GPR83: variants seen among roughly 807,000 people sequenced by gnomAD.
GPR83 encodes G protein-coupled receptor 83.
GPR83 carries 23 observed loss-of-function variants against 28.0 expected under a neutral mutation model. The observed-to-expected ratio is 0.82, with a 90% CI of 0.59 to 1.16. The LOEUF is 1.16. GPR83 is among the 50% of genes most tolerant of loss of function. GPR83 has a pLI of 0.00. For synonymous variants in GPR83, 234 were observed against 215.4 expected (o/e 1.09, Z -0.76); for missense variants, 610 against 536.6 (o/e 1.14, Z -1.35).
In GPR83 at chr11:94,396,386, T is replaced by C. The variant is rs1310873517; in HGVS notation, c.513+13A>G. Reference sequence around the variant, plus strand: ...AGAGGGAAGAGCAGAGCATTAGGGGTAGGTGCCCTCACCTGGTGGCGATCC... The same window carrying C: ...AGAGGGAAGAGCAGAGCATTAGGGGCAGGTGCCCTCACCTGGTGGCGATCC... On this transcript the variant is annotated intron_variant, in intron 2 of 3. Transcript: ENST00000243673. 5.6e-6 allele frequency: 9 copies of C among 1,612,502 alleles called. No individual in the cohort carries two copies. The highest frequency in any genetic ancestry group is 1.3e-5 in the African/African-American group (1 of 74,882).
chr11:94,378,237 T>G lies in GPR83; in HGVS notation c.*1912A>C, dbSNP rs1044585749. On this transcript the variant is annotated 3_prime_UTR_variant, in exon 4 of 4. Coordinates refer to ENST00000243673, the MANE Select transcript of GPR83 (RefSeq NM_016540.4). ...AAATAGAAACTAGGATAAAGAACCC[T>G]CATAGTTCATTACAGGGAAGCAGAT... 1 of 152,190 alleles carries G rather than the reference T, an allele frequency of 6.6e-6. No homozygotes were observed. The highest frequency in any genetic ancestry group is 1.5e-5 in the Non-Finnish European group (1 of 68,032). 9.4% of individuals were successfully genotyped at this position (152,190 alleles called of 1,614,324 possible). A position where few individuals can be genotyped will look rare whatever the true frequency, so the allele number is the denominator to read the frequency against.
chr11:94,394,615 G>T (rs1025335387), intron 2 of GPR83, among the ~76,000 whole-genome samples: 2 of 152,122 alleles, frequency 1.3e-5, no homozygotes, highest in African/African-American at 4.8e-5. Context: ...GGACATTCTG[G>T]CTGTGTCTCG....
chr11:94,392,199 C>T (rs1944823542), intron 3 of GPR83, among the ~76,000 whole-genome samples: 1 of 152,036 alleles, frequency 6.6e-6, no homozygotes, highest in South Asian at 2.1e-4. Context: ...TGGAAACCAT[C>T]ATTCTCAGCA....
Position 94,400,907 on chromosome 11 carries a change from G to A in GPR83, c.341C>T (p.Ala114Val), listed in dbSNP as rs375716258. ...SATSLFIVNL[A>V]VADIMITLLN... ...CAGCGTGATCATTATGTCGGCAACTGCCAGGTTGACGATGAAGAGGCTGGT... is the reference window on the plus strand; with the variant it reads ...CAGCGTGATCATTATGTCGGCAACTACCAGGTTGACGATGAAGAGGCTGGT... Residue 114 changes from alanine (A) to valine (V), a missense_variant, in exon 1 of 4, where the codon GCA becomes GTA. By Grantham distance (64) the Ala-to-Val change is moderately conservative. Transcript: ENST00000243673. The A allele has an allele frequency of 2.6e-5, 42 of 1,613,944 alleles. No individual in the cohort carries two copies. The highest frequency in any genetic ancestry group is 3.6e-5 in the Non-Finnish European group (42 of 1,179,912).
At position 94,379,875 on chromosome 11, in the gene GPR83, C is replaced by T. The variant is rs938638287; in HGVS notation, c.*274G>A. 4 of 287,240 alleles carry T rather than the reference C, an allele frequency of 1.4e-5. No individual in the cohort carries two copies. The highest frequency in any genetic ancestry group is 2.2e-5 in the African/African-American group (1 of 46,112). The allele number at this position is 287,240 out of a possible 1,614,324, so 17.8% of individuals were successfully genotyped here. ...ATGATTCAGCCCCCATCTGGGCCAA[C>T]GTTGTCCTCGCTCCTCTTCCTCAGA... On this transcript the variant is annotated 3_prime_UTR_variant, in exon 4 of 4. Coordinates refer to ENST00000243673, the MANE Select transcript of GPR83 (RefSeq NM_016540.4).
At chr11:94,382,071 G>A (rs61687849) in intron 3 of GPR83, among the ~76,000 whole-genome samples, 13,590 of 152,144 alleles carry the variant, frequency 0.089, 715 homozygotes, top group Middle Eastern at 0.15. Flanking sequence ...CAACAAATGA[G>A]GCCCAGCACG....
chr11:94,383,511 CA>C (rs762679255), intron 3 of GPR83, among the ~76,000 whole-genome samples: 1 of 152,034 alleles, frequency 6.6e-6, no homozygotes, highest in Non-Finnish European at 1.5e-5. Flanking sequence ...GAGATAGAGA[CA>C]AAAAACCCTT....
chr11:94,381,418 G>A (rs1944687588), intron 3 of GPR83, among the ~76,000 whole-genome samples: 1 of 151,996 alleles, frequency 6.6e-6, no homozygotes, highest in South Asian at 2.1e-4. Context: ...AAGGTAGAAG[G>A]GCAGCCTGGA....
intron 1 of GPR83, among the ~76,000 whole-genome samples, chr11:94,398,233 T>C (rs1419047756): frequency 1.3e-5 from 2 of 152,114 alleles, no homozygotes; most frequent in Non-Finnish European, 2.9e-5. Flanking sequence ...ACCACAATCA[T>C]ATTGTTGTCA....
At chr11:94,387,693 A>C (rs1358065450) in intron 3 of GPR83, among the ~76,000 whole-genome samples, 1 of 152,222 alleles carries the variant, frequency 6.6e-6, no homozygotes, top group Admixed American at 6.5e-5. Context: ...TTAATAGCCT[A>C]CCAACCAAAA....
chr11:94,391,028 C>T (rs1370976850), intron 3 of GPR83, among the ~76,000 whole-genome samples: 2 of 152,128 alleles, frequency 1.3e-5, no homozygotes, highest in East Asian at 3.9e-4. Context: ...CATTCCTGGG[C>T]AAGAAGAACA....
intron 1 of GPR83, among the ~76,000 whole-genome samples, chr11:94,399,466 GC>G (rs1171847558): frequency 6.6e-6 from 1 of 152,190 alleles, no homozygotes; most frequent in African/African-American, 2.4e-5. Flanking sequence ...TCCTGGCTCT[GC>G]CAACTACTGG....
chr11:94,386,223 G>A (rs1944753887), intron 3 of GPR83, among the ~76,000 whole-genome samples: 1 of 152,120 alleles, frequency 6.6e-6, no homozygotes, highest in Non-Finnish European at 1.5e-5. Context: ...AGGAACAACT[G>A]GTACCAGCCA....
intron 3 of GPR83, among the ~76,000 whole-genome samples, chr11:94,388,925 A>G (rs202028715): frequency 1.3e-5 from 2 of 151,750 alleles, no homozygotes; most frequent in Admixed American, 6.6e-5. Flanking sequence ...TTCAAACTAT[A>G]CTACAAGGCT....
At position 94,380,572 on chromosome 11, in the gene GPR83, C is replaced by T. The variant is rs1944676671; in HGVS notation, c.849G>A (p.Leu283=). The T allele has an allele frequency of 1.2e-6, 2 of 1,614,056 alleles. No homozygotes were observed. Among genetic ancestry groups the T allele is most frequent in the Admixed American group, 1.7e-5 (1 of 59,996 alleles). Residue 283 remains leucine, a synonymous_variant, in exon 4 of 4, where the codon CTG becomes CTA. Transcript: ENST00000243673. The part of the protein sequence containing the change: ...GDVTTEQYFA[L]RRKKKKTIKM... ...TGATGGTCTTCTTCTTTTTGCGCCG[C>T]AGGGCAAAGTACTGCTCTGTGGTCA...
At chr11:94,388,878 G>C (rs372660171) in intron 3 of GPR83, among the ~76,000 whole-genome samples, 2,327 of 151,944 alleles carry the variant, frequency 0.015, 20 homozygotes, top group Middle Eastern at 0.034. Context: ...CAATCCTAAG[G>C]CAAAAGAACA....
intron 3 of GPR83, among the ~76,000 whole-genome samples, chr11:94,388,944 C>A (rs1308661049): frequency 6.6e-6 from 1 of 152,096 alleles, no homozygotes; most frequent in African/African-American, 2.4e-5. Flanking sequence ...CTACAGTAAC[C>A]AAAACAGCAT....
rs56180709 is a variant in GPR83, at chr11:94,381,558, A to AGTGTGTGTGTGTGTGT, written c.648-801_648-786dup. 1.5e-3 allele frequency among the ~76,000 whole-genome samples: 217 copies of AGTGTGTGTGTGTGTGT among 148,160 alleles called. 2 individuals carry two copies. Among genetic ancestry groups the AGTGTGTGTGTGTGTGT allele is most frequent in the South Asian group, 5.5e-3 (25 of 4,556 alleles). On this transcript the variant is annotated intron_variant, in intron 3 of 3. Coordinates refer to ENST00000243673, the MANE Select transcript of GPR83 (RefSeq NM_016540.4). The stretch of plus-strand genomic sequence containing the variant: ...CCTGCTTTTGTCACAGGAGTGAGTG[A>AGTGTGTGTGTGTGTGT]GTGTGTGTGTGTGTGTGTGTGCGCG...
In GPR83 at chr11:94,396,080, C is replaced by T. The variant is rs11020765; in HGVS notation, c.513+319G>A. Among the ~76,000 whole-genome samples, 829 of 152,258 alleles carry T rather than the reference C, an allele frequency of 5.4e-3. 6 individuals carry two copies. The highest frequency in any genetic ancestry group is 0.015 in the African/African-American group (640 of 41,554). On this transcript the variant is annotated intron_variant, in intron 2 of 3. Coordinates refer to ENST00000243673, the MANE Select transcript of GPR83 (RefSeq NM_016540.4). ...ACTAAAAGTACGAAAACTAGCCAGG[C>T]GTGGTGGCGAGCACCTGTAATCCCA...
Sources: allele counts gnomAD v4.1 joint callset (sites outside exome capture counted in the v4.1 genomes callset), GRCh38; gene constraint gnomAD v4.1.1; transcripts MANE v1.5; gene names NCBI Gene and HGNC (gene_info 2026-07-23, HGNC 2026-07-21).